NDC1: variants seen among roughly 807,000 people sequenced by gnomAD.
NDC1 encodes the protein NDC1 transmembrane nucleoporin, also known as nucleoporin NDC1.
NDC1 carries 24 observed loss-of-function variants against 89.8 expected under a neutral mutation model. The ratio of observed to expected loss-of-function variants is 0.27; its 90% confidence interval spans 0.19 to 0.38. The LOEUF (loss-of-function observed/expected upper bound fraction) is 0.38. Ranked by LOEUF, NDC1 falls within the 10% of genes least tolerant of loss-of-function variation. The pLI, the probability that NDC1 is intolerant of heterozygous loss-of-function variation, is 1.00. For missense variants in NDC1, 728 were observed against 797.6 expected, an observed-to-expected ratio of 0.91 and a Z score of 1.05; for synonymous variants, 296 against 284.8, an observed-to-expected ratio of 1.04 and a Z score of -0.39.
In NDC1 at chr1:53,766,360, T is replaced by C. The variant is rs990766238; in HGVS notation, c.*1610A>G. On this transcript the variant is annotated 3_prime_UTR_variant, in exon 18 of 18. Transcript: ENST00000371429. ...AGAGAGTGGAATATAAAAAGCTTAATTGTGTTAATACATGGAAGACAACAG... is the reference window on the plus strand; with the variant it reads ...AGAGAGTGGAATATAAAAAGCTTAACTGTGTTAATACATGGAAGACAACAG... 6.6e-6 allele frequency: 1 copy of C among 152,184 alleles called. No homozygotes were observed. The highest frequency in any genetic ancestry group is 1.5e-5 in the Non-Finnish European group (1 of 68,024). 9.4% of individuals were successfully genotyped at this position (152,184 alleles called of 1,614,324 possible).
intron 17 of NDC1, among the ~76,000 whole-genome samples, chr1:53,769,787 G>C (rs1647097130): frequency 1.3e-5 from 2 of 152,210 alleles, no homozygotes; most frequent in South Asian, 4.1e-4. Context: ...GTGGGTGTGA[G>C]AATGTTCCCT....
chr1:53,803,867 G>T, intron 10 of NDC1, 61 bp downstream of exon 10: 1 of 1,308,794 alleles, frequency 7.6e-7, no homozygotes, highest in Non-Finnish European at 1.1e-6. Context: ...CACCATGCCT[G>T]GCCAAGTGAA....
rs1570185850 is a variant in NDC1 at position 53,796,611 on chromosome 1, T to C, written c.1584+78A>G. 7 of 812,118 alleles carry C rather than the reference T, an allele frequency of 8.6e-6. No homozygotes were observed. In the East Asian group the frequency reaches 1.8e-4, roughly 21 times the overall value. 50.3% of individuals were successfully genotyped at this position (812,118 alleles called of 1,614,324 possible). Reference sequence around the variant, plus strand: ...AAAAAAAAAAAAAGCTTCTTATTCCTGATGACTTACTCATGTGAGATCCTT... The same window carrying C: ...AAAAAAAAAAAAAGCTTCTTATTCCCGATGACTTACTCATGTGAGATCCTT... On this transcript the variant is annotated intron_variant, in intron 13 of 17. Coordinates refer to ENST00000371429, the MANE Select transcript of NDC1 (RefSeq NM_018087.5).
At chr1:53,768,455 C>T (rs1647084708) in intron 17 of NDC1, among the ~76,000 whole-genome samples, 1 of 152,140 alleles carries the variant, frequency 6.6e-6, no homozygotes, top group Admixed American at 6.5e-5. Flanking sequence ...GGTTAAAACA[C>T]AATAGACTCC....
intron 14 of NDC1, among the ~76,000 whole-genome samples, chr1:53,792,679 C>T (rs1334583926): frequency 6.6e-6 from 1 of 152,202 alleles, no homozygotes; most frequent in Non-Finnish European, 1.5e-5. Flanking sequence ...TAAATAGAGA[C>T]ACAACAGTCG....
intron 10 of NDC1, 41 bp from the exon 11 acceptor site, chr1:53,800,889 T>A: frequency 6.6e-7 from 1 of 1,523,592 alleles, no homozygotes; most frequent in South Asian, 1.3e-5. Flanking sequence ...GTAAATAATC[T>A]TACATTCCCC....
intron 16 of NDC1, among the ~76,000 whole-genome samples, chr1:53,773,707 C>G (rs1647138253): frequency 6.6e-6 from 1 of 152,082 alleles, no homozygotes; most frequent in Non-Finnish European, 1.5e-5. Flanking sequence ...GTCAGAGTGC[C>G]CAAAGAAAAG....
At position 53,780,915 on chromosome 1, in the gene NDC1, A is replaced by G. The variant is rs554574937; in HGVS notation, c.1800+6243T>C. On this transcript the variant is annotated intron_variant, in intron 16 of 17. Transcript: ENST00000371429. ...CACTCTGTTGCCCAGCCTGGAGTAC[A>G]GTCACATAGCTCACTACAGCCTCAA... Among the ~76,000 whole-genome samples the G allele has an allele frequency of 2.0e-5, 3 of 151,290 alleles. 1 individual carries two copies. In the South Asian group the frequency reaches 6.3e-4, roughly 32 times the overall value.
At chr1:53,801,809 T>A (rs1647928905) in intron 10 of NDC1, among the ~76,000 whole-genome samples, 2 of 152,208 alleles carry the variant, frequency 1.3e-5, no homozygotes, top group Non-Finnish European at 2.9e-5. Flanking sequence ...CAGGCTGGAG[T>A]GCAGTGGCAG....
intron 16 of NDC1, among the ~76,000 whole-genome samples, chr1:53,773,650 G>C (rs1181126748): frequency 6.6e-6 from 1 of 152,112 alleles, no homozygotes; most frequent in African/African-American, 2.4e-5. Context: ...GGACTTTTGG[G>C]GCGTGAACCT....
At chr1:53,768,109 C>G in intron 17 of NDC1, 76 bp from the exon 18 acceptor site, 1 of 840,586 alleles carries the variant, frequency 1.2e-6, no homozygotes, top group East Asian at 2.9e-5. Context: ...AGCACAGAGA[C>G]AATATTTTTC....
chr1:53,827,812 G>C (rs1648921047), intron 4 of NDC1, among the ~76,000 whole-genome samples, 187 bp downstream of exon 4: 1 of 152,072 alleles, frequency 6.6e-6, no homozygotes, highest in Admixed American at 6.6e-5. Context: ...ATAGCACCTT[G>C]CACATAATAA....
chr1:53,813,413 C>T (rs1648376134), intron 6 of NDC1, among the ~76,000 whole-genome samples: 2 of 152,080 alleles, frequency 1.3e-5, no homozygotes, highest in South Asian at 4.1e-4. Context: ...CCCACATAAA[C>T]TTAAAGTAAA....
Position 53,825,920 on chromosome 1 carries a change from C to T in NDC1, c.472G>A (p.Ala158Thr), listed in dbSNP as rs757726463. Residue 158 changes from alanine to threonine, a missense_variant, in exon 5 of 18, where the codon GCG (alanine) becomes ACG (threonine). Transcript: ENST00000371429. ...TGTNSFGSPA[A>T]QTCLNEYHLF... ...TGATATTCATTTAAGCAGGTTTGCG[C>T]AGCAGGGCTACCAAAGCTGAAGGGA... 3 of 1,611,790 alleles carry T rather than the reference C, an allele frequency of 1.9e-6. No individual in the cohort carries two copies. In the East Asian group the frequency reaches 6.7e-5, roughly 36 times the overall value.
chr1:53,801,533 G>A (rs192294215), intron 10 of NDC1, among the ~76,000 whole-genome samples: 2 of 152,218 alleles, frequency 1.3e-5, no homozygotes, highest in Admixed American at 1.3e-4. Flanking sequence ...GCTCCATTAT[G>A]CGTTAATAGC....
At chr1:53,825,572 G>A (rs1238740332) in intron 5 of NDC1, among the ~76,000 whole-genome samples, 1 of 152,150 alleles carries the variant, frequency 6.6e-6, no homozygotes, top group Non-Finnish European at 1.5e-5. Context: ...TAGCAAAGAG[G>A]TATTCTGAGA....
intron 16 of NDC1, among the ~76,000 whole-genome samples, chr1:53,783,290 G>GA (rs987570497): frequency 2.5e-4 from 37 of 147,416 alleles, no homozygotes; most frequent in South Asian, 1.5e-3. Context: ...ATGTAGAGTG[G>GA]AAAAAAAAAA....
At chr1:53,836,610 C>T (rs1649243070) in intron 1 of NDC1, among the ~76,000 whole-genome samples, 1 of 152,054 alleles carries the variant, frequency 6.6e-6, no homozygotes, top group African/African-American at 2.4e-5. Context: ...ATTCTCCTGC[C>T]TCAGCCACCT....
Position 53,825,460 on chromosome 1 carries a change from A to AAAAAAAAAAAAAAAAAAAAAAAAAG in NDC1, c.594+337_594+338insCTTTTTTTTTTTTTTTTTTTTTTTT, listed in dbSNP as rs1039370528. Among the ~76,000 whole-genome samples the AAAAAAAAAAAAAAAAAAAAAAAAAG allele has an allele frequency of 1.5e-4, 21 of 142,188 alleles. 2 individuals carry two copies. Among genetic ancestry groups the AAAAAAAAAAAAAAAAAAAAAAAAAG allele is most frequent in the Non-Finnish European group, 2.7e-4 (17 of 63,906 alleles). The allele number at this position is 142,188 out of a possible 152,430, so 93.3% of individuals were successfully genotyped here. On this transcript the variant is annotated intron_variant, in intron 5 of 17. Transcript: ENST00000371429. The stretch of plus-strand genomic sequence containing the variant: ...AAGAAGCGAGACTGTCTCCAAAAAA[A>AAAAAAAAAAAAAAAAAAAAAAAAAG]AAGAAGCTACACAGAGTACTTTGCA...
Sources: allele counts gnomAD v4.1 joint callset (sites outside exome capture counted in the v4.1 genomes callset), GRCh38; gene constraint gnomAD v4.1.1; transcripts MANE v1.5; gene names NCBI Gene and HGNC (gene_info 2026-07-23, HGNC 2026-07-21).